Variants in E2F3 observed in about 807,000 individuals in gnomAD.
E2F3 encodes transcription factor E2F3.
In E2F3, 11 loss-of-function variants were observed where a neutral mutation model predicts 44.4. The observed-to-expected ratio is 0.25, with a 90% CI of 0.16 to 0.41. The LOEUF (loss-of-function observed/expected upper bound fraction) is 0.41. E2F3 is among the 10% of genes least tolerant of loss of function. E2F3 has a pLI of 1.00. For synonymous variants in E2F3, 249 were observed against 253.0 expected (o/e 0.98, Z 0.15); for missense variants, 487 against 583.6 (o/e 0.83, Z 1.70).
At chr6:20,417,114 A>C (rs903622308) in intron 1 of E2F3, among the ~76,000 whole-genome samples, 5 of 152,244 alleles carry the variant, frequency 3.3e-5, no homozygotes, top group African/African-American at 1.2e-4. Context: ...GCATCATTAA[A>C]AAATTTTTAT....
At chr6:20,472,020 C>T (rs543015392) in intron 1 of E2F3, among the ~76,000 whole-genome samples, 1 of 116,524 alleles carries the variant, frequency 8.6e-6, no homozygotes, top group South Asian at 3.1e-4. Context: ...GCCTGCCCCC[C>T]CTCCAACACA....
At chr6:20,485,685 T>C (rs544017958) in intron 4 of E2F3, among the ~76,000 whole-genome samples, 8 of 152,374 alleles carry the variant, frequency 5.3e-5, no homozygotes, top group African/African-American at 1.9e-4. Context: ...ACCTGGAAAC[T>C]GCTTTCTTCC....
chr6:20,447,278 G>A (rs1760977904), intron 1 of E2F3, among the ~76,000 whole-genome samples: 1 of 152,104 alleles, frequency 6.6e-6, no homozygotes. Flanking sequence ...TCTTGCCCAA[G>A]GGACAAATGA....
chr6:20,481,109 G>C, intron 2 of E2F3, 97 bp from the exon 3 acceptor site: 2 of 1,092,250 alleles, frequency 1.8e-6, no homozygotes, highest in Non-Finnish European at 2.7e-6. Flanking sequence ...TACTTTGGCT[G>C]CAGTGGGAAA....
At chr6:20,404,714 AG>A (rs141928662) in intron 1 of E2F3, among the ~76,000 whole-genome samples, 29,380 of 152,152 alleles carry the variant, frequency 0.19, 3,454 homozygotes, top group South Asian at 0.3. Flanking sequence ...TCTTAGTCAA[AG>A]AAGCTCATCG....
Position 20,462,859 on chromosome 6 carries a change from CTTTTTTTTTTTTTTTTTTT to C in E2F3, c.394-16968_394-16950del, listed in dbSNP as rs780366667. Among the ~76,000 whole-genome samples, 75 of 48,848 alleles carry C rather than the reference CTTTTTTTTTTTTTTTTTTT, an allele frequency of 1.5e-3. 1 individual carries two copies. The South Asian group carries it at 0.023, about 15-fold the overall frequency. The allele number at this position is 48,848 out of a possible 152,430, so 32.0% of individuals were successfully genotyped here. On this transcript the variant is annotated intron_variant, in intron 1 of 6. Coordinates refer to ENST00000346618, the MANE Select transcript of E2F3 (RefSeq NM_001949.5). Reference sequence around the variant, plus strand: ...TGTTTTGTTCTCTTTCTCTCTCTCTCTTTTTTTTTTTTTTTTTTTTTTTTTTTTTTTTTTTTTGAGACAG... The same window carrying C: ...TGTTTTGTTCTCTTTCTCTCTCTCTCTTTTTTTTTTTTTTTTTTGAGACAG...
intron 1 of E2F3, among the ~76,000 whole-genome samples, chr6:20,436,412 A>C (rs1760579345): frequency 1.3e-5 from 2 of 152,156 alleles, no homozygotes; most frequent in South Asian, 4.1e-4. Flanking sequence ...TGGGCCACAC[A>C]TAAAATACAC....
At position 20,447,017 on chromosome 6, in the gene E2F3, C is replaced by A. The variant is rs527681988; in HGVS notation, c.394-32829C>A. The stretch of plus-strand genomic sequence containing the variant: ...AATAAAGAAATGTGGCCACCTTAGA[C>A]CCAGAATATAATCAATTTTTAATTG... On this transcript the variant is annotated intron_variant, in intron 1 of 6. Coordinates refer to ENST00000346618, the MANE Select transcript of E2F3 (RefSeq NM_001949.5). Among the ~76,000 whole-genome samples the A allele has an allele frequency of 6.6e-5, 10 of 152,278 alleles. No homozygotes were observed. The South Asian group carries it at 1.0e-3, about 16-fold the overall frequency.
intron 1 of E2F3, among the ~76,000 whole-genome samples, chr6:20,478,660 T>C (rs146192974): frequency 1.0e-3 from 154 of 152,156 alleles, no homozygotes; most frequent in African/African-American, 3.5e-3. Flanking sequence ...AATACAAAAA[T>C]TAGCTGGGAG....
At position 20,453,581 on chromosome 6, in the gene E2F3, A is replaced by ATT. The variant is rs369833593; in HGVS notation, c.394-26262_394-26261dup. Among the ~76,000 whole-genome samples, 123 of 152,028 alleles carry ATT rather than the reference A, an allele frequency of 8.1e-4. 2 individuals carry two copies. The highest frequency in any genetic ancestry group is 2.7e-3 in the African/African-American group (113 of 41,466). ...AGGTGCACACCACCATGCCTGGCAAATTTTATTATTTGTGGAGACGAGGTC... is the reference window on the plus strand; with the variant it reads ...AGGTGCACACCACCATGCCTGGCAAATTTTTTATTATTTGTGGAGACGAGGTC... On this transcript the variant is annotated intron_variant, in intron 1 of 6. Coordinates refer to ENST00000346618, the MANE Select transcript of E2F3 (RefSeq NM_001949.5).
At chr6:20,406,764 A>G (rs1166271324) in intron 1 of E2F3, among the ~76,000 whole-genome samples, 1 of 152,196 alleles carries the variant, frequency 6.6e-6, no homozygotes, top group Non-Finnish European at 1.5e-5. Context: ...GTTTATGCTT[A>G]GCGGCTTTTG....
rs950597351 is a variant in E2F3, at chr6:20,403,037, C to T, written c.393+412C>T. Among the ~76,000 whole-genome samples the T allele has an allele frequency of 8.6e-5, 13 of 151,540 alleles. No homozygotes were observed. In the East Asian group the frequency reaches 2.5e-3, roughly 30 times the overall value. ...GAGTAGTGAACTGGGGTGTGGGGGG[C>T]TCTGAGGGGTTGAAACCGGGGGACT... is the stretch of plus-strand genomic sequence containing the variant. On this transcript the variant is annotated intron_variant, in intron 1 of 6. Coordinates refer to ENST00000346618, the MANE Select transcript of E2F3 (RefSeq NM_001949.5).
intron 1 of E2F3, among the ~76,000 whole-genome samples, chr6:20,474,864 G>C (rs900103210): frequency 6.6e-6 from 1 of 152,176 alleles, no homozygotes; most frequent in Non-Finnish European, 1.5e-5. Context: ...ATCCAGTTCC[G>C]CCCTCCCTGT....
chr6:20,408,556 A>G (rs1403487871), intron 1 of E2F3, among the ~76,000 whole-genome samples: 1 of 152,202 alleles, frequency 6.6e-6, no homozygotes, highest in Non-Finnish European at 1.5e-5. Context: ...TTGCCCTCAA[A>G]TACTCTCCTA....
intron 1 of E2F3, among the ~76,000 whole-genome samples, chr6:20,464,786 A>G (rs762941361): frequency 1.3e-5 from 2 of 152,194 alleles, no homozygotes; most frequent in Non-Finnish European, 2.9e-5. Flanking sequence ...GTTCAAATAT[A>G]CCACCTCTCT....
intron 1 of E2F3, among the ~76,000 whole-genome samples, chr6:20,408,411 G>A (rs1759561359): frequency 1.3e-5 from 2 of 152,176 alleles, no homozygotes; most frequent in Admixed American, 6.5e-5. Flanking sequence ...GTTCACACTT[G>A]TTTCAAACCC....
intron 1 of E2F3, among the ~76,000 whole-genome samples, chr6:20,430,407 T>C (rs1760361556): frequency 2.0e-5 from 3 of 152,236 alleles, no homozygotes; most frequent in Non-Finnish European, 4.4e-5. Context: ...TTATCTTGGA[T>C]GTTTTACTTT....
At chr6:20,455,722 C>T (rs1761289065) in intron 1 of E2F3, among the ~76,000 whole-genome samples, 1 of 152,164 alleles carries the variant, frequency 6.6e-6, no homozygotes, top group Non-Finnish European at 1.5e-5. Flanking sequence ...GGCCCTGGGG[C>T]AAGGGTGTCC....
intron 1 of E2F3, among the ~76,000 whole-genome samples, chr6:20,409,547 A>T (rs1368962454): frequency 2.0e-5 from 3 of 152,204 alleles, no homozygotes; most frequent in Non-Finnish European, 4.4e-5. Context: ...GGCCACCAAC[A>T]TCCTGAGTGA....
Sources: gnomAD v4.1 joint callset for allele counts (sites outside exome capture counted in the v4.1 genomes callset) on GRCh38, gnomAD v4.1.1 for gene constraint, MANE v1.5 for transcripts, NCBI Gene and HGNC (gene_info 2026-07-23, HGNC 2026-07-21) for gene names.